The following PDHX variants were observed in gnomAD, a reference collection of about 807,000 sequenced individuals.
PDHX encodes the protein pyruvate dehydrogenase protein X component, mitochondrial.
PDHX carries 33 observed loss-of-function variants against 55.3 expected under a neutral mutation model. That is an observed-to-expected ratio of 0.60 (90% confidence interval 0.45 to 0.80). The LOEUF is 0.80. Among genes scored for constraint, PDHX ranks in the 30% least tolerant of loss-of-function variants. The pLI is 0.00. For synonymous variants in PDHX, 226 were observed against 219.4 expected (o/e 1.03, Z -0.27); for missense variants, 622 against 619.9 (o/e 1.00, Z -0.04).
intron 2 of PDHX, among the ~76,000 whole-genome samples, chr11:34,934,244 T>C (rs1379468374): frequency 6.6e-6 from 1 of 152,228 alleles, no homozygotes; most frequent in Non-Finnish European, 1.5e-5. Context: ...CACTGTGAAG[T>C]AGTCTTGCCA....
chr11:34,980,297 A>C (rs1013918211), intron 8 of PDHX, among the ~76,000 whole-genome samples: 12 of 149,140 alleles, frequency 8.0e-5, no homozygotes, highest in Non-Finnish European at 1.0e-4. Context: ...CATTTTGGTC[A>C]GAACTTTAAT....
chr11:34,926,318 C>G (rs1846809494), intron 1 of PDHX, among the ~76,000 whole-genome samples: 1 of 152,088 alleles, frequency 6.6e-6, no homozygotes, highest in South Asian at 2.1e-4. Context: ...TTTGAAGGCT[C>G]CGTTTTATTT....
At chr11:34,963,539 C>T (rs183236569) in intron 5 of PDHX, among the ~76,000 whole-genome samples, 1 of 152,296 alleles carries the variant, frequency 6.6e-6, no homozygotes, top group East Asian at 1.9e-4. Flanking sequence ...CTCAGCCTCT[C>T]GAAGTGCTGG....
At chr11:34,955,440 C>T (rs2133970957) in intron 3 of PDHX, among the ~76,000 whole-genome samples, 1 of 152,176 alleles carries the variant, frequency 6.6e-6, no homozygotes, top group East Asian at 1.9e-4. Context: ...ATTTTAATGA[C>T]TTTAAATGGA....
At chr11:34,937,436 T>G (rs1854357966) in intron 2 of PDHX, among the ~76,000 whole-genome samples, 1 of 132,060 alleles carries the variant, frequency 7.6e-6, no homozygotes, top group African/African-American at 2.9e-5. Context: ...AGGCTGGAGT[T>G]GCTGACTTTT....
chr11:34,985,191 C>A (rs1263403529), intron 9 of PDHX, among the ~76,000 whole-genome samples: 2 of 152,210 alleles, frequency 1.3e-5, no homozygotes, highest in East Asian at 3.8e-4. Flanking sequence ...GCCTGTAATG[C>A]CAGCGCTTTG....
chr11:34,931,541 G>T lies in PDHX; in HGVS notation c.241+57G>T, dbSNP rs11032932. 100,884 of 742,872 alleles carry T rather than the reference G, an allele frequency of 0.14. 8,860 individuals are homozygous for T. Among genetic ancestry groups the T allele is most frequent in the African/African-American group, 0.38 (20,878 of 54,954 alleles). The allele number at this position is 742,872 out of a possible 1,614,324, so 46.0% of individuals were successfully genotyped here. On this transcript the variant is annotated intron_variant, in intron 2 of 10. Transcript: ENST00000227868. ...CTTTGTTATTTGGTTATTTTGTTTT[G>T]TTTTTTTTTTTCCTAATCTGTCCTG...
intron 4 of PDHX, among the ~76,000 whole-genome samples, chr11:34,959,595 A>G (rs1854978422): frequency 6.6e-6 from 1 of 151,930 alleles, no homozygotes; most frequent in Non-Finnish European, 1.5e-5. Context: ...CCAGATATAT[A>G]TGCAAAATAA....
intron 3 of PDHX, among the ~76,000 whole-genome samples, chr11:34,952,940 C>A (rs1360769181): frequency 6.6e-6 from 1 of 151,468 alleles, no homozygotes; most frequent in Non-Finnish European, 1.5e-5. Flanking sequence ...ATCTAGAAAA[C>A]CCCATTGTCT....
chr11:34,943,693 G>A (rs912667439), intron 2 of PDHX, among the ~76,000 whole-genome samples: 2 of 152,072 alleles, frequency 1.3e-5, no homozygotes, highest in African/African-American at 2.4e-5. Flanking sequence ...CACTTCTCTC[G>A]CATACTATTT....
chr11:34,974,217 C>G (rs1855317888), intron 7 of PDHX, among the ~76,000 whole-genome samples: 2 of 152,136 alleles, frequency 1.3e-5, no homozygotes, highest in Admixed American at 6.5e-5. Context: ...CTTTCTGTTC[C>G]TATAAATTTG....
intron 2 of PDHX, among the ~76,000 whole-genome samples, chr11:34,944,104 TA>T (rs1412531646): frequency 5.4e-5 from 8 of 148,726 alleles, no homozygotes; most frequent in Admixed American, 2.0e-4. Flanking sequence ...TATATATATA[TA>T]AAATATATTT....
In PDHX at chr11:34,995,128, A is replaced by G. The variant is rs145345995; in HGVS notation, c.1462A>G (p.Lys488Glu). ...VDDELATRFL[K>E]SFKANLENPI... ...TGACGAACTGGCAACCAGGTTTCTTAAAAGTTTTAAAGCAAACCTAGAGAA... is the reference window on the plus strand; with the variant it reads ...TGACGAACTGGCAACCAGGTTTCTTGAAAGTTTTAAAGCAAACCTAGAGAA... Residue 488 changes from lysine to glutamate, a missense_variant, in exon 11 of 11, where the codon AAA (lysine) becomes GAA (glutamate). Lys to Glu is a moderately conservative substitution (Grantham distance 56). Coordinates refer to ENST00000227868, the MANE Select transcript of PDHX (RefSeq NM_003477.3). The G allele has an allele frequency of 1.4e-5, 23 of 1,613,910 alleles. No individual in the cohort carries two copies. In the African/African-American group the frequency reaches 3.1e-4, roughly 22 times the overall value.
At chr11:34,993,986 T>C (rs1855809377) in intron 10 of PDHX, among the ~76,000 whole-genome samples, 1 of 152,330 alleles carries the variant, frequency 6.6e-6, no homozygotes, top group Middle Eastern at 3.4e-3. Context: ...GTATTTGTTT[T>C]TTGATACTAT....
At chr11:34,961,959 C>T (rs944626592) in intron 5 of PDHX, among the ~76,000 whole-genome samples, 2 of 152,190 alleles carry the variant, frequency 1.3e-5, no homozygotes, top group African/African-American at 4.8e-5. Context: ...TGATTTGTGT[C>T]TACTGTTGGT....
At chr11:34,994,210 G>A (rs954499437) in intron 10 of PDHX, among the ~76,000 whole-genome samples, 1 of 152,136 alleles carries the variant, frequency 6.6e-6, no homozygotes, top group Non-Finnish European at 1.5e-5. Context: ...TTAGCTGTAT[G>A]ATATAGCCAG....
At chr11:34,966,414 T>G (rs938419203) in intron 5 of PDHX, among the ~76,000 whole-genome samples, 2 of 152,222 alleles carry the variant, frequency 1.3e-5, no homozygotes, top group South Asian at 2.1e-4. Context: ...ACATTTTAAT[T>G]GTTTGGCTTT....
chr11:34,942,893 A>C (rs1037765171), intron 2 of PDHX, among the ~76,000 whole-genome samples: 2 of 151,868 alleles, frequency 1.3e-5, no homozygotes, highest in African/African-American at 4.8e-5. Context: ...GCTAACATAT[A>C]TGTCTGTGTT....
intron 1 of PDHX, among the ~76,000 whole-genome samples, chr11:34,923,715 A>G (rs554806063): frequency 2.6e-5 from 4 of 152,216 alleles, no homozygotes; most frequent in Admixed American, 6.5e-5. Context: ...GTACTTGTGT[A>G]TTTATCTTCT....
Sources: allele counts gnomAD v4.1 joint callset (sites outside exome capture counted in the v4.1 genomes callset), GRCh38; gene constraint gnomAD v4.1.1; transcripts MANE v1.5; gene names NCBI Gene and HGNC (gene_info 2026-07-23, HGNC 2026-07-21).